Variants in JHY observed in about 807,000 individuals in gnomAD.
JHY encodes the protein jhy protein homolog.
In JHY, 69 loss-of-function variants were observed where a neutral mutation model predicts 78.0. The ratio of observed to expected loss-of-function variants is 0.88; its 90% confidence interval spans 0.73 to 1.08. JHY has a LOEUF of 1.08. Ranked by LOEUF, JHY falls within the 50% of genes least tolerant of loss-of-function variation. The pLI, the probability that JHY is intolerant of heterozygous loss-of-function variation, is 0.00. For missense variants in JHY, 944 were observed against 927.8 expected, an observed-to-expected ratio of 1.02 and a Z score of -0.23; for synonymous variants, 368 against 342.6, an observed-to-expected ratio of 1.07 and a Z score of -0.82.
At chr11:122,938,457 C>T (rs1362228604) in intron 5 of JHY, among the ~76,000 whole-genome samples, 2 of 152,130 alleles carry the variant, frequency 1.3e-5, no homozygotes. Flanking sequence ...TTTATAGCCT[C>T]ATGTTTTTGT....
rs201541489 is a variant in JHY, at chr11:122,946,728, A to G, written c.1865A>G (p.Asn622Ser). Reference sequence around the variant, plus strand: ...AACCAAGTGAAAATTAGCCGTAGCAATTCTGAAGGCTATCTGTTTCAACTG... The same window carrying G: ...AACCAAGTGAAAATTAGCCGTAGCAGTTCTGAAGGCTATCTGTTTCAACTG... ...QRNQVKISRS[N>S]SEGYLFQLEK... is the part of the protein sequence containing the mutation. The change falls in exon 6 of 9, where the codon AAT becomes AGT. Residue 622 changes from asparagine (N) to serine (S), a missense_variant. Physicochemically the swap from Asn to Ser is conservative, Grantham distance 46. Transcript: ENST00000227349. 114 of 1,614,058 alleles carry G rather than the reference A, an allele frequency of 7.1e-5. No homozygotes were observed. The highest frequency in any genetic ancestry group is 8.8e-5 in the Non-Finnish European group (104 of 1,180,024).
In JHY at chr11:122,948,813, C is replaced by T. The variant is rs574730336; in HGVS notation, c.1929+2021C>T. On this transcript the variant is annotated intron_variant, in intron 6 of 8. Transcript: ENST00000227349. ...GAAGACTGCAAGAGCAGGCTGGGCGCGGTGGCTTATGCCTGTAATCCCAGC... is the reference window on the plus strand; with the variant it reads ...GAAGACTGCAAGAGCAGGCTGGGCGTGGTGGCTTATGCCTGTAATCCCAGC... Among the ~76,000 whole-genome samples, 33 of 151,154 alleles carry T rather than the reference C, an allele frequency of 2.2e-4. No individual in the cohort carries two copies. In the South Asian group the frequency reaches 6.5e-3, roughly 30 times the overall value.
intron 7 of JHY, among the ~76,000 whole-genome samples, chr11:122,956,930 G>A (rs1476087171): frequency 6.6e-6 from 1 of 152,050 alleles, no homozygotes; most frequent in African/African-American, 2.4e-5. Context: ...GACACTTACG[G>A]GAAGAGTTTC....
At position 122,946,634 on chromosome 11, in the gene JHY, G is replaced by A. The variant is rs376060402; in HGVS notation, c.1771G>A (p.Val591Ile). Residue 591 changes from valine to isoleucine, a missense_variant, in exon 6 of 9, where the codon GTC (valine) becomes ATC (isoleucine). By Grantham distance (29) the Val-to-Ile change is conservative. Coordinates refer to ENST00000227349, the MANE Select transcript of JHY (RefSeq NM_024806.4). ...GCCCAGTGAAGGGGCCTTATCCAGC[G>A]TCACGCTTCCACCTATACTGTCAAG... The part of the protein sequence containing the change: ...VQPSEGALSS[V>I]TLPPILSRVE... 106 of 1,614,104 alleles carry A rather than the reference G, an allele frequency of 6.6e-5. No individual in the cohort carries two copies. Among genetic ancestry groups the A allele is most frequent in the East Asian group, 5.8e-4 (26 of 44,878 alleles).
In JHY at chr11:122,904,152, T is replaced by G. The variant is rs192391804; in HGVS notation, c.572T>G (p.Leu191Arg). 675 of 1,614,164 alleles carry G rather than the reference T, an allele frequency of 4.2e-4. 2 individuals carry two copies. Among genetic ancestry groups the G allele is most frequent in the Non-Finnish European group, 9.6e-5 (113 of 1,180,024 alleles). The part of the protein sequence containing the change: ...KESPQSAASL[L>R]GSEFLSPNYE... ...AGTCCACAGAGTGCAGCTTCTTTACTTGGTAGTGAATTTTTAAGCCCAAAC... is the reference window on the plus strand; with the variant it reads ...AGTCCACAGAGTGCAGCTTCTTTACGTGGTAGTGAATTTTTAAGCCCAAAC... Residue 191 changes from leucine (L) to arginine (R), a missense_variant, in exon 3 of 9, where the codon CTT becomes CGT. Coordinates refer to ENST00000227349, the MANE Select transcript of JHY (RefSeq NM_024806.4).
rs1029925853 is a variant in JHY at position 122,962,330 on chromosome 11, T to A, written c.*2885T>A. ...GAAATGTACTCCTATGTTGTATACATTTTACATATACCAAAATGTAGCATA... is the reference window on the plus strand; with the variant it reads ...GAAATGTACTCCTATGTTGTATACAATTTACATATACCAAAATGTAGCATA... On this transcript the variant is annotated 3_prime_UTR_variant, in exon 9 of 9. Coordinates refer to ENST00000227349, the MANE Select transcript of JHY (RefSeq NM_024806.4). 6.6e-6 allele frequency among the ~76,000 whole-genome samples: 1 copy of A among 152,238 alleles called. No homozygotes were observed. The highest frequency in any genetic ancestry group is 6.5e-5 in the Admixed American group (1 of 15,290).
chr11:122,930,641 C>T (rs1212073130), intron 4 of JHY, among the ~76,000 whole-genome samples: 2 of 152,166 alleles, frequency 1.3e-5, no homozygotes, highest in Non-Finnish European at 1.5e-5. Flanking sequence ...AGTCATCTCT[C>T]TTCATTTAAC....
intron 4 of JHY, among the ~76,000 whole-genome samples, chr11:122,928,089 C>T (rs1863550776): frequency 6.6e-6 from 1 of 152,080 alleles, no homozygotes; most frequent in South Asian, 2.1e-4. Flanking sequence ...TTTTTCTCTA[C>T]ATCCCCTACC....
intron 3 of JHY, among the ~76,000 whole-genome samples, chr11:122,910,473 A>G (rs1863091364): frequency 3.3e-5 from 5 of 150,590 alleles, no homozygotes; most frequent in East Asian, 3.9e-4. Context: ...CTTGTCTCCA[A>G]AAAAAAAAAC....
intron 2 of JHY, among the ~76,000 whole-genome samples, chr11:122,895,752 G>T (rs942448700): frequency 2.0e-5 from 3 of 152,188 alleles, no homozygotes; most frequent in Non-Finnish European, 4.4e-5. Flanking sequence ...CATGTTTTGT[G>T]TGCAGATGAT....
intron 6 of JHY, among the ~76,000 whole-genome samples, chr11:122,948,187 T>A (rs1156395175): frequency 2.0e-5 from 3 of 152,150 alleles, no homozygotes; most frequent in Non-Finnish European, 4.4e-5. Flanking sequence ...CTAACGCCTG[T>A]AATCCCAGCA....
At chr11:122,933,818 T>C (rs1863685394) in intron 4 of JHY, among the ~76,000 whole-genome samples, 1 of 152,230 alleles carries the variant, frequency 6.6e-6, no homozygotes, top group African/African-American at 2.4e-5. Flanking sequence ...TTATTAGTGT[T>C]TTCTGGTTAA....
At chr11:122,893,145 T>C (rs1480966754) in intron 2 of JHY, among the ~76,000 whole-genome samples, 2 of 152,202 alleles carry the variant, frequency 1.3e-5, no homozygotes, top group African/African-American at 2.4e-5. Context: ...TTCCATGCAG[T>C]ATTCTGGGAG....
At position 122,957,502 on chromosome 11, in the gene JHY, C is replaced by A; in HGVS notation, c.2139+11C>A. 6.8e-7 allele frequency: 1 copy of A among 1,471,468 alleles called. No individual in the cohort carries two copies. The highest frequency in any genetic ancestry group is 9.0e-7 in the Non-Finnish European group (1 of 1,114,882). The allele number at this position is 1,471,468 out of a possible 1,614,324, so 91.2% of individuals were successfully genotyped here. A position where few individuals can be genotyped will look rare whatever the true frequency, so the allele number is the denominator to read the frequency against. ...ATCCCTCGGCAGAAGGTAAGAAATT[C>A]TCAACAAGGCATTTATTTTTTCAAG... On this transcript the variant is annotated intron_variant, in intron 8 of 8. Transcript: ENST00000227349.
At chr11:122,954,221 T>G (rs1337623980) in intron 6 of JHY, among the ~76,000 whole-genome samples, 2 of 152,200 alleles carry the variant, frequency 1.3e-5, no homozygotes. Flanking sequence ...CAGCTCCAGC[T>G]CCAGGAATCA....
chr11:122,905,004 G>C (rs1466790861), intron 3 of JHY, among the ~76,000 whole-genome samples: 1 of 151,638 alleles, frequency 6.6e-6, no homozygotes, highest in East Asian at 1.9e-4. Flanking sequence ...AGTGGGTAGG[G>C]TACAACATAA....
intron 5 of JHY, among the ~76,000 whole-genome samples, chr11:122,939,050 C>T (rs572123706): frequency 2.0e-5 from 3 of 150,592 alleles, no homozygotes; most frequent in Non-Finnish European, 4.4e-5. Context: ...TGCAGTGGCA[C>T]GATCTCAGCT....
chr11:122,884,198 G>A (rs998284064), intron 1 of JHY, among the ~76,000 whole-genome samples: 26 of 152,196 alleles, frequency 1.7e-4, no homozygotes, highest in Non-Finnish European at 5.9e-5. Flanking sequence ...AACTCACTTC[G>A]TGTGTATTTA....
At chr11:122,956,655 C>T (rs1859812669) in intron 7 of JHY, 79 bp downstream of exon 7, 1 of 1,193,882 alleles carries the variant, frequency 8.4e-7, no homozygotes, top group African/African-American at 1.5e-5. Flanking sequence ...AAGACGCCCC[C>T]CAGAATTAAA....
Sources: allele counts gnomAD v4.1 joint callset (sites outside exome capture counted in the v4.1 genomes callset), GRCh38; gene constraint gnomAD v4.1.1; transcripts MANE v1.5; gene names NCBI Gene and HGNC (gene_info 2026-07-23, HGNC 2026-07-21).